TMEM132C: variants seen among roughly 807,000 people sequenced by gnomAD.
The protein encoded by TMEM132C is transmembrane protein 132C, also known as protein phosphatase 1, regulatory subunit 152.
In TMEM132C, 29 loss-of-function variants were observed where a neutral mutation model predicts 61.4. The observed-to-expected ratio is 0.47, with a 90% CI of 0.35 to 0.64. The LOEUF is 0.64. Ranked by LOEUF, TMEM132C falls within the 30% of genes least tolerant of loss-of-function variation. The pLI, the probability that TMEM132C is intolerant of heterozygous loss-of-function variation, is 0.00. For synonymous variants in TMEM132C, 656 were observed against 633.1 expected (o/e 1.04, Z -0.54); for missense variants, 1,408 against 1,476.9 (o/e 0.95, Z 0.76).
intron 1 of TMEM132C, among the ~76,000 whole-genome samples, chr12:128,323,829 C>T (rs1872418345): frequency 6.6e-6 from 1 of 152,054 alleles, no homozygotes; most frequent in Non-Finnish European, 1.5e-5. Context: ...TACCTGTGTG[C>T]AGCTGAAACA....
intron 1 of TMEM132C, among the ~76,000 whole-genome samples, chr12:128,327,032 G>A (rs762424233): frequency 1.1e-4 from 17 of 149,818 alleles, no homozygotes; most frequent in Non-Finnish European, 2.1e-4. Flanking sequence ...TTTTGTCTGT[G>A]TGCAGATTAC....
At chr12:128,587,771 T>G (rs10744379) in intron 3 of TMEM132C, among the ~76,000 whole-genome samples, 73,232 of 152,034 alleles carry the variant, frequency 0.48, 19,762 homozygotes, top group East Asian at 0.71. Context: ...TTCAAAGTGA[T>G]GCATTGATAT....
intron 2 of TMEM132C, among the ~76,000 whole-genome samples, chr12:128,516,394 T>C (rs112199051): frequency 0.021 from 3,212 of 152,118 alleles, 117 homozygotes; most frequent in African/African-American, 0.071. Flanking sequence ...TGATTCCACG[T>C]CCGAGGCGTT....
At chr12:128,552,369 T>C (rs1454359435) in intron 3 of TMEM132C, among the ~76,000 whole-genome samples, 1 of 152,250 alleles carries the variant, frequency 6.6e-6, no homozygotes, top group Non-Finnish European at 1.5e-5. Context: ...TCTGGCACTT[T>C]ACAAAATGCT....
intron 3 of TMEM132C, among the ~76,000 whole-genome samples, chr12:128,611,356 T>G (rs559674068): frequency 1.3e-5 from 2 of 152,324 alleles, no homozygotes; most frequent in East Asian, 3.9e-4. Context: ...TCATTTCATT[T>G]ATTGTTTCAT....
intron 2 of TMEM132C, among the ~76,000 whole-genome samples, chr12:128,507,362 A>G (rs1872399639): frequency 1.3e-5 from 2 of 150,680 alleles, no homozygotes; most frequent in Admixed American, 6.6e-5. Context: ...TCGTGTGCGA[A>G]GGTTTGTCCA....
chr12:128,340,781 T>TTC lies in TMEM132C; in HGVS notation c.85+73312_85+73313dup, dbSNP rs563629490. On this transcript the variant is annotated intron_variant, in intron 1 of 8. Transcript: ENST00000435159. ...TTTCTTTCTTTCTATTTTTCTTTCT[T>TTC]TCTCTCTCTCTCTCTCTCTTTCTTT... 4.5e-4 allele frequency among the ~76,000 whole-genome samples: 55 copies of TTC among 123,358 alleles called. No individual in the cohort carries two copies. In the Middle Eastern group the frequency reaches 0.012, roughly 26 times the overall value. 80.9% of individuals were successfully genotyped at this position (123,358 alleles called of 152,430 possible).
Position 128,278,301 on chromosome 12 carries a change from C to T in TMEM132C, c.85+10814C>T, listed in dbSNP as rs142473871. On this transcript the variant is annotated intron_variant, in intron 1 of 8. Coordinates refer to ENST00000435159, the MANE Select transcript of TMEM132C (RefSeq NM_001136103.3). The surrounding 1 kb of genome is among the most constrained non-coding windows in gnomAD (Gnocchi z 4.2). ...AACCTTTTGGGTCACGACACAGCCCCGGGTTACCATTTTCTTTATTTTCCA... is the reference window on the plus strand; with the variant it reads ...AACCTTTTGGGTCACGACACAGCCCTGGGTTACCATTTTCTTTATTTTCCA... Among the ~76,000 whole-genome samples, 133 of 152,252 alleles carry T rather than the reference C, an allele frequency of 8.7e-4. No individual in the cohort carries two copies. The highest frequency in any genetic ancestry group is 3.1e-3 in the African/African-American group (127 of 41,546).
intron 5 of TMEM132C, among the ~76,000 whole-genome samples, chr12:128,678,109 C>T (rs1469405055): frequency 7.9e-5 from 12 of 152,216 alleles, no homozygotes; most frequent in African/African-American, 1.9e-4. Context: ...TTACTGCTTT[C>T]GGGTGGCATC....
intron 1 of TMEM132C, among the ~76,000 whole-genome samples, chr12:128,365,238 C>T (rs1873826595): frequency 6.6e-6 from 1 of 152,106 alleles, no homozygotes; most frequent in African/African-American, 2.4e-5. Context: ...CCCTTTGCCC[C>T]GACTGCAAAA....
At chr12:128,592,733 G>T (rs549743676) in intron 3 of TMEM132C, among the ~76,000 whole-genome samples, 1 of 152,350 alleles carries the variant, frequency 6.6e-6, no homozygotes, top group Admixed American at 6.5e-5. Flanking sequence ...GACCTCCAGG[G>T]ATTCCCCCAT....
chr12:128,675,840 G>A (rs1412928342), intron 5 of TMEM132C, among the ~76,000 whole-genome samples: 1 of 100,998 alleles, frequency 9.9e-6, no homozygotes, highest in African/African-American at 4.9e-5. Context: ...ATAGATAGAA[G>A]ATAGATAGAT....
At chr12:128,667,393 C>T (rs1361038938) in intron 4 of TMEM132C, among the ~76,000 whole-genome samples, 2 of 152,152 alleles carry the variant, frequency 1.3e-5, no homozygotes, top group Non-Finnish European at 2.9e-5. Context: ...TGGGGAATTT[C>T]TAAAGTATTC....
At chr12:128,469,694 A>T (rs533373531) in intron 2 of TMEM132C, among the ~76,000 whole-genome samples, 1 of 150,210 alleles carries the variant, frequency 6.7e-6, no homozygotes, top group South Asian at 2.1e-4. Flanking sequence ...ATGTGTGTGT[A>T]TGTATATATA....
At chr12:128,512,545 A>G (rs949016026) in intron 2 of TMEM132C, among the ~76,000 whole-genome samples, 9 of 152,336 alleles carry the variant, frequency 5.9e-5, no homozygotes, top group Admixed American at 2.6e-4. Flanking sequence ...CTGTTATTAA[A>G]AAGAATGCTT....
intron 1 of TMEM132C, among the ~76,000 whole-genome samples, chr12:128,271,466 T>C (rs1038512953): frequency 3.3e-5 from 5 of 152,200 alleles, no homozygotes; most frequent in Non-Finnish European, 5.9e-5. Flanking sequence ...AAGTTGCATA[T>C]AGAATTTTAT....
intron 1 of TMEM132C, among the ~76,000 whole-genome samples, chr12:128,275,740 A>G (rs923668518): frequency 6.6e-6 from 1 of 152,200 alleles, no homozygotes; most frequent in African/African-American, 2.4e-5. Context: ...TTAATGCAAA[A>G]GTGGACTAGA....
intron 2 of TMEM132C, among the ~76,000 whole-genome samples, chr12:128,479,022 C>T (rs1837432707): frequency 6.6e-6 from 1 of 152,168 alleles, no homozygotes; most frequent in African/African-American, 2.4e-5. Context: ...TGTAGGTGGC[C>T]TAAGAGTAGG....
At position 128,408,297 on chromosome 12, in the gene TMEM132C, T is replaced by G. The variant is rs1868387198; in HGVS notation, c.86-6435T>G. 1.3e-5 allele frequency among the ~76,000 whole-genome samples: 2 copies of G among 152,174 alleles called. 1 individual carries two copies. Among genetic ancestry groups the G allele is most frequent in the South Asian group, 4.1e-4 (2 of 4,820 alleles). ...GGTTTCCTTTAGACTTTTTTCCAGTTAAGAAAAGGAGAGAAAAGGAATCTT... is the reference window on the plus strand; with the variant it reads ...GGTTTCCTTTAGACTTTTTTCCAGTGAAGAAAAGGAGAGAAAAGGAATCTT... On this transcript the variant is annotated intron_variant, in intron 1 of 8. Coordinates refer to ENST00000435159, the MANE Select transcript of TMEM132C (RefSeq NM_001136103.3).
Sources: allele counts gnomAD v4.1 joint callset (sites outside exome capture counted in the v4.1 genomes callset), GRCh38; gene constraint gnomAD v4.1.1; non-coding constraint Gnocchi (gnomAD v3.1); transcripts MANE v1.5; gene names NCBI Gene and HGNC (gene_info 2026-07-23, HGNC 2026-07-21).